ADRA1A: variants seen among roughly 807,000 people sequenced by gnomAD.
The protein encoded by ADRA1A is alpha-1A adrenergic receptor.
In ADRA1A, 31 loss-of-function variants were observed where a neutral mutation model predicts 29.6. The observed-to-expected ratio is 1.05, with a 90% CI of 0.79 to 1.41. The LOEUF is 1.41. Ranked by LOEUF, ADRA1A falls within the 40% of genes most tolerant of loss-of-function variation. The probability of loss-of-function intolerance (pLI) is 0.00; values close to 1 mark genes in which losing one functional copy is unlikely to be tolerated. For synonymous variants in ADRA1A, 311 were observed against 254.3 expected, an observed-to-expected ratio of 1.22 and a Z score of -2.12; for missense variants, 619 against 601.1, an observed-to-expected ratio of 1.03 and a Z score of -0.31.
intron 2 of ADRA1A, among the ~76,000 whole-genome samples, chr8:26,759,799 C>T (rs1805403500): frequency 6.6e-6 from 1 of 152,202 alleles, no homozygotes; most frequent in South Asian, 2.1e-4. Flanking sequence ...AAAGATAAAT[C>T]AATAAGCCAT....
intron 2 of ADRA1A, among the ~76,000 whole-genome samples, chr8:26,855,363 G>A (rs1812963854): frequency 6.6e-6 from 1 of 151,208 alleles, no homozygotes; most frequent in Non-Finnish European, 1.5e-5. Flanking sequence ...CCCAGGATTT[G>A]TGATAAATAA....
downstream of ADRA1A, among the ~76,000 whole-genome samples, chr8:26,754,363 CT>C (rs200667741): frequency 2.7e-5 from 4 of 149,988 alleles, no homozygotes; most frequent in Middle Eastern, 3.4e-3. Context: ...TTCAGATTAA[CT>C]TTTTTTTTTA....
chr8:26,852,807 C>T (rs1286141179), intron 2 of ADRA1A, among the ~76,000 whole-genome samples: 23 of 152,092 alleles, frequency 1.5e-4, no homozygotes, highest in African/African-American at 3.1e-4. Flanking sequence ...TGTCACAATT[C>T]GCTTTATGAA....
At position 26,770,295 on chromosome 8, in the gene ADRA1A, AGGAGGATTGGT is replaced by A; in HGVS notation, c.1244_1254del (p.Asp415ValfsTer9). The A allele has an allele frequency of 6.2e-7, 1 of 1,614,244 alleles. No homozygotes were observed. Among genetic ancestry groups the A allele is most frequent in the Admixed American group, 1.7e-5 (1 of 60,034 alleles). On this transcript the variant is annotated frameshift_variant, in exon 3 of 3. Coordinates refer to ENST00000380573, the MANE Select transcript of ADRA1A (RefSeq NM_000680.4). LOFTEE classifies it high-confidence loss of function. ...TTACTTCTCACCCGGGCTGTGGTAC[AGGAGGATTGGT>A]CTTTGGACACTGTAATCCTGGCAGA...
chr8:26,865,793 G>A lies in ADRA1A; in HGVS notation c.-686-138C>T. 1 of 836,556 alleles carries A rather than the reference G, an allele frequency of 1.2e-6. No individual in the cohort carries two copies. Among genetic ancestry groups the A allele is most frequent in the Non-Finnish European group, 1.4e-6 (1 of 694,454 alleles). The allele number at this position is 836,556 out of a possible 1,614,324, so 51.8% of individuals were successfully genotyped here. A position where few individuals can be genotyped will look rare whatever the true frequency, so the allele number is the denominator to read the frequency against. ...TCCAGAAGCTGCTTCGCCCGGCAGC[G>A]GTGGAGGCGACTTCGGAGCTCATCT... On this transcript the variant is annotated intron_variant, in intron 1 of 2. Transcript: ENST00000380573. The surrounding 1 kb of genome is among the most constrained non-coding windows in gnomAD (Gnocchi z 7.6).
intron 2 of ADRA1A, among the ~76,000 whole-genome samples, chr8:26,774,057 C>T (rs1806365990): frequency 6.6e-6 from 1 of 152,172 alleles, no homozygotes; most frequent in African/African-American, 2.4e-5. Context: ...CTTTTTAATC[C>T]AAGCAAATCT....
rs1450642808 is a variant in ADRA1A at position 26,864,738 on chromosome 8, T to C, written c.232A>G (p.Thr78Ala). Reference sequence around the variant, plus strand: ...AAGATGGCGGAGAAGGGCAGCACCGTGGAGGTGAGCAGGAGGTCGGCCACC... The same window carrying C: ...AAGATGGCGGAGAAGGGCAGCACCGCGGAGGTGAGCAGGAGGTCGGCCACC... ...LAVADLLLTS[T>A]VLPFSAIFEV... Residue 78 changes from threonine (T) to alanine (A), a missense_variant, in exon 2 of 3, where the codon ACG becomes GCG. Coordinates refer to ENST00000380573, the MANE Select transcript of ADRA1A (RefSeq NM_000680.4). The surrounding 1 kb of genome is among the most constrained non-coding windows in gnomAD (Gnocchi z 8.1). The C allele has an allele frequency of 5.0e-6, 8 of 1,613,918 alleles. No homozygotes were observed. Among genetic ancestry groups the C allele is most frequent in the Non-Finnish European group, 6.8e-6 (8 of 1,179,974 alleles).
intron 2 of ADRA1A, among the ~76,000 whole-genome samples, chr8:26,809,843 A>G (rs1362116983): frequency 6.6e-6 from 1 of 152,234 alleles, no homozygotes; most frequent in Non-Finnish European, 1.5e-5. Context: ...GGTTACAATC[A>G]TGGACATGGC....
intron 2 of ADRA1A, among the ~76,000 whole-genome samples, chr8:26,777,050 A>G (rs546073888): frequency 1.3e-5 from 2 of 152,242 alleles, no homozygotes; most frequent in East Asian, 3.9e-4. Flanking sequence ...TGCCCCATCA[A>G]ATTAAACCCC....
At chr8:26,810,918 T>C (rs980599860) in intron 2 of ADRA1A, among the ~76,000 whole-genome samples, 2 of 151,848 alleles carry the variant, frequency 1.3e-5, no homozygotes, top group Non-Finnish European at 2.9e-5. Flanking sequence ...CAAAAAAAAA[T>C]CCAAGATTCA....
chr8:26,850,807 A>G (rs1812575823), intron 2 of ADRA1A, among the ~76,000 whole-genome samples: 1 of 152,256 alleles, frequency 6.6e-6, no homozygotes, highest in South Asian at 2.1e-4. Context: ...TTATATCTTT[A>G]TAGGTAAAAT....
intron 2 of ADRA1A, among the ~76,000 whole-genome samples, chr8:26,750,461 G>A (rs970366731): frequency 6.6e-6 from 1 of 151,996 alleles, no homozygotes; most frequent in Non-Finnish European, 1.5e-5. Context: ...CTCGGCCTCC[G>A]AACGTGCTGG....
At chr8:26,843,446 C>T (rs1421641632) in intron 2 of ADRA1A, among the ~76,000 whole-genome samples, 1 of 152,144 alleles carries the variant, frequency 6.6e-6, no homozygotes, top group Non-Finnish European at 1.5e-5. Flanking sequence ...TTCCCTTTGT[C>T]CAGTAAACCA....
intron 2 of ADRA1A, among the ~76,000 whole-genome samples, chr8:26,758,649 T>C (rs1496124): frequency 0.55 from 83,827 of 152,002 alleles, 24,997 homozygotes; most frequent in East Asian, 0.89. Context: ...AGGCCCGTGG[T>C]TCCCAGTCCA....
chr8:26,844,335 G>A (rs1441814138), intron 2 of ADRA1A, among the ~76,000 whole-genome samples: 1 of 152,142 alleles, frequency 6.6e-6, no homozygotes, highest in Admixed American at 6.5e-5. Context: ...TTTGAACTTA[G>A]GAATACAGAC....
At position 26,867,272 on chromosome 8, in the gene ADRA1A, G is replaced by C; in HGVS notation, c.-1023C>G. ...AAGGAACTTTGCAGCTCTCGCTGACGTAACTCAGGCAGTAGCCCAGCTAGT... is the reference window on the plus strand; with the variant it reads ...AAGGAACTTTGCAGCTCTCGCTGACCTAACTCAGGCAGTAGCCCAGCTAGT... On this transcript the variant is annotated 5_prime_UTR_variant, in exon 1 of 3. Coordinates refer to ENST00000380573, the MANE Select transcript of ADRA1A (RefSeq NM_000680.4). 1.0e-6 allele frequency: 1 copy of C among 985,488 alleles called. No homozygotes were observed. The highest frequency in any genetic ancestry group is 1.2e-6 in the Non-Finnish European group (1 of 829,966). The allele number at this position is 985,488 out of a possible 1,614,324, so 61.0% of individuals were successfully genotyped here.
chr8:26,858,257 G>C (rs1813191238), intron 2 of ADRA1A, among the ~76,000 whole-genome samples: 1 of 152,186 alleles, frequency 6.6e-6, no homozygotes, highest in South Asian at 2.1e-4. Context: ...TGGGTTTTGT[G>C]TTTAAATCAG....
intron 2 of ADRA1A, among the ~76,000 whole-genome samples, chr8:26,846,868 A>G (rs1402142721): frequency 6.6e-6 from 1 of 152,224 alleles, no homozygotes; most frequent in Admixed American, 6.5e-5. Flanking sequence ...GCACATATAC[A>G]CCATGGAATA....
rs569918637 is a variant in ADRA1A at position 26,757,520 on chromosome 8, C to CT, written c.1270-742_1270-741insA. On this transcript the variant is annotated intron_variant, in intron 2 of 2. Transcript: ENST00000380582. ...TCCCTTTTGCTTCCATTTCCCCCAC[C>CT]CCCCACCTCTGCTCCATCAGGTTTG... 2.2e-4 allele frequency among the ~76,000 whole-genome samples: 33 copies of CT among 151,608 alleles called. 2 individuals carry two copies. The South Asian group carries it at 6.3e-3, about 29-fold the overall frequency.
Sources: allele counts gnomAD v4.1 joint callset (sites outside exome capture counted in the v4.1 genomes callset), GRCh38; gene constraint gnomAD v4.1.1; non-coding constraint Gnocchi (gnomAD v3.1); transcripts MANE v1.5; gene names NCBI Gene and HGNC (gene_info 2026-07-23, HGNC 2026-07-21).